Variants in MMEL1 observed in about 807,000 individuals in gnomAD.
MMEL1 encodes the protein membrane metallo-endopeptidase-like 1.
MMEL1 carries 98 observed loss-of-function variants against 117.1 expected under a neutral mutation model. The observed-to-expected ratio is 0.84, with a 90% CI of 0.71 to 0.99. The LOEUF (loss-of-function observed/expected upper bound fraction) is 0.99. Among genes scored for constraint, MMEL1 ranks in the 50% least tolerant of loss-of-function variants. The pLI, the probability that MMEL1 is intolerant of heterozygous loss-of-function variation, is 0.00. For synonymous variants in MMEL1, 390 were observed against 415.1 expected (o/e 0.94, Z 0.74); for missense variants, 1,014 against 1,049.1 (o/e 0.97, Z 0.46).
rs1324412754 is a variant in MMEL1, at chr1:2,619,798, C to T, written c.155-7594G>A. ...CAAAAACAACTACAAACCCAAAAGG[C>T]TGAGTTAAGCAACAGACATAACAGA... is the stretch of plus-strand genomic sequence containing the variant. On this transcript the variant is annotated intron_variant, in intron 2 of 23. Transcript: ENST00000378412. 6.6e-5 allele frequency among the ~76,000 whole-genome samples: 10 copies of T among 152,122 alleles called. No individual in the cohort carries two copies. In the East Asian group the frequency reaches 1.9e-3, roughly 29 times the overall value.
Position 2,592,700 on chromosome 1 carries a change from A to G in MMEL1, c.2022T>C (p.Leu674=), listed in dbSNP as rs1432238773. The part of the protein sequence containing the change: ...DEQNVNGFNT[L]GENIADNGGV... ...CTCCGTTGTCAGCAATGTTTTCCCC[A>G]AGGGTGTTGAATCCGTTCACCTGCG... Residue 674 remains leucine, a synonymous_variant, in exon 21 of 24, where the codon CTT becomes CTC. Coordinates refer to ENST00000378412, the MANE Select transcript of MMEL1 (RefSeq NM_033467.4). 1.3e-6 allele frequency: 2 copies of G among 1,537,658 alleles called. No homozygotes were observed. Among genetic ancestry groups the G allele is most frequent in the Non-Finnish European group, 8.8e-7 (1 of 1,137,546 alleles).
intron 8 of MMEL1, among the ~76,000 whole-genome samples, chr1:2,606,025 A>G (rs4074789): frequency 0.46 from 69,600 of 152,086 alleles, 17,631 homozygotes; most frequent in African/African-American, 0.68. Context: ...TCTGACCAGA[A>G]CCGGGTTCTA....
In MMEL1 at chr1:2,609,462, G is replaced by T. The variant is rs758267442; in HGVS notation, c.455-43C>A. The T allele has an allele frequency of 3.2e-6, 5 of 1,583,628 alleles. No homozygotes were observed. In the South Asian group the frequency reaches 4.5e-5, roughly 14 times the overall value. On this transcript the variant is annotated intron_variant, in intron 5 of 23. Coordinates refer to ENST00000378412, the MANE Select transcript of MMEL1 (RefSeq NM_033467.4). ...GGTTGGACAGAGGCCTGACGAGGCT[G>T]CAGGGGCCAGGTCACAGGTCCCTAC...
rs762597874 is a variant in MMEL1, at chr1:2,607,059, C to T, written c.546G>A (p.Glu182=). Residue 182 remains glutamate (E), a synonymous_variant, in exon 7 of 24, where the codon GAG becomes GAA. Transcript: ENST00000378412. The stretch of plus-strand genomic sequence containing the variant: ...CCAGCAGGGGCTGAGAGCCTCGCTT[C>T]TCTATCACACCTGAGAAGGGACGCA... ...YRSCMNQSVI[E]KRGSQPLLDI... The T allele has an allele frequency of 3.7e-6, 6 of 1,612,918 alleles. No individual in the cohort carries two copies. The highest frequency in any genetic ancestry group is 5.1e-6 in the Non-Finnish European group (6 of 1,179,906).
intron 2 of MMEL1, among the ~76,000 whole-genome samples, chr1:2,626,867 C>T (rs1000126119): frequency 1.3e-5 from 2 of 152,164 alleles, no homozygotes; most frequent in South Asian, 2.1e-4. Context: ...GAGAAAAAAA[C>T]GAATGAGACA....
chr1:2,617,353 G>A (rs1005800895), intron 2 of MMEL1, among the ~76,000 whole-genome samples: 1 of 151,156 alleles, frequency 6.6e-6, no homozygotes, highest in African/African-American at 2.4e-5. Context: ...CGTGAACCCG[G>A]GAGGCAGAGC....
chr1:2,604,396 AC>A, intron 9 of MMEL1, 115 bp from the exon 10 acceptor site: 1 of 1,381,494 alleles, frequency 7.2e-7, no homozygotes, highest in Non-Finnish European at 9.9e-7. Flanking sequence ...ATGCGTGTCC[AC>A]CCACCTTGAC....
intron 13 of MMEL1, among the ~76,000 whole-genome samples, chr1:2,597,578 A>G (rs1644862943): frequency 1.3e-5 from 2 of 151,968 alleles, no homozygotes; most frequent in Non-Finnish European, 2.9e-5. Context: ...ATCGGCCTCC[A>G]TGCTGACCCC....
At chr1:2,617,154 G>A (rs1401423070) in intron 2 of MMEL1, among the ~76,000 whole-genome samples, 7 of 151,826 alleles carry the variant, frequency 4.6e-5, no homozygotes, top group South Asian at 2.1e-4. Flanking sequence ...GTGGCCAGGC[G>A]CGGTGGCTCA....
In MMEL1 at chr1:2,592,403, CCCCTCCCCTGATGCACTGGCG is replaced by C. The variant is rs1458177445; in HGVS notation, c.2067+231_2067+251del. The stretch of plus-strand genomic sequence containing the variant: ...ACCCCCTCCCCTGCCGCGCTGATGC[CCCCTCCCCTGATGCACTGGCG>C]CCCCCTCCCCTGCCATGCTGACGCC... On this transcript the variant is annotated intron_variant, in intron 21 of 23. Transcript: ENST00000378412. 3.1e-4 allele frequency among the ~76,000 whole-genome samples: 17 copies of C among 54,932 alleles called. 2 individuals are homozygous for C. The highest frequency in any genetic ancestry group is 4.5e-4 in the Non-Finnish European group (14 of 31,058). 36.0% of individuals were successfully genotyped at this position (54,932 alleles called of 152,430 possible). A position where few individuals can be genotyped will look rare whatever the true frequency, so the allele number is the denominator to read the frequency against.
chr1:2,630,587 G>C lies in MMEL1; in HGVS notation c.-37-1066C>G, dbSNP rs78936836. Among the ~76,000 whole-genome samples the C allele has an allele frequency of 1.4e-3, 97 of 67,090 alleles. 1 individual carries two copies. The East Asian group carries it at 0.046, about 32-fold the overall frequency. 44.0% of individuals were successfully genotyped at this position (67,090 alleles called of 152,430 possible). A position where few individuals can be genotyped will look rare whatever the true frequency, so the allele number is the denominator to read the frequency against. On this transcript the variant is annotated intron_variant, in intron 1 of 23. Coordinates refer to ENST00000378412, the MANE Select transcript of MMEL1 (RefSeq NM_033467.4). The stretch of plus-strand genomic sequence containing the variant: ...TGTGTGACTGTGAGTGAGTGTGCAC[G>C]TGTGTGTCCTCGTGTGTGCATGTGT...
chr1:2,609,183 A>T (rs1387316421), intron 6 of MMEL1, among the ~76,000 whole-genome samples, 156 bp downstream of exon 6: 1 of 152,032 alleles, frequency 6.6e-6, no homozygotes, highest in Admixed American at 6.5e-5. Context: ...TGTGGCTGGG[A>T]GCGGGACACA....
chr1:2,593,270 G>T (rs1644773094), intron 19 of MMEL1, among the ~76,000 whole-genome samples: 1 of 152,204 alleles, frequency 6.6e-6, no homozygotes, highest in African/African-American at 2.4e-5. Flanking sequence ...CTCCTCCTGG[G>T]ATGCCCAAAC....
At position 2,593,855 on chromosome 1, in the gene MMEL1, A is replaced by G; in HGVS notation, c.1826T>C (p.Met609Thr). The change falls in exon 19 of 24, where the codon ATG becomes ACG. Residue 609 changes from methionine (M) to threonine (T), a missense_variant. Coordinates refer to ENST00000378412, the MANE Select transcript of MMEL1 (RefSeq NM_033467.4). ...GTGCGTGATCTCGTGCCCGATCACC[A>G]TCCCAATGCCTCCAAAGTTCAAGGC... ...PQALNFGGIG[M>T]VIGHEITHGF... 6.2e-7 allele frequency: 1 copy of G among 1,612,314 alleles called. No homozygotes were observed.
At position 2,595,991 on chromosome 1, in the gene MMEL1, C is replaced by T. The variant is rs371674898; in HGVS notation, c.1500+18G>A. The T allele has an allele frequency of 1.9e-6, 3 of 1,610,180 alleles. No individual in the cohort carries two copies. The highest frequency in any genetic ancestry group is 2.7e-5 in the African/African-American group (2 of 74,812). ...CCAGATCCAGTCGGGGCTGCCCTGA[C>T]CTCTGCGAGCCACATACCTTCTCCT... On this transcript the variant is annotated intron_variant, in intron 15 of 23. Coordinates refer to ENST00000378412, the MANE Select transcript of MMEL1 (RefSeq NM_033467.4). This position sits in a 1 kb window ranked among gnomAD's most constrained non-coding sequence, Gnocchi z 4.8.
At position 2,603,971 on chromosome 1, in the gene MMEL1, G is replaced by A. The variant is rs776051268; in HGVS notation, c.954C>T (p.Ala318=). The change falls in exon 11 of 24, where the codon GCC becomes GCT. Residue 318 remains alanine (A), a splice_region_variant and synonymous_variant. Transcript: ENST00000378412. ...CGTGTCTCTCCTCCTGGGGTACCGT[G>A]GCCTGTGCCGGGGATAGCAGTCACA... The part of the protein sequence containing the change: ...VLELETQLAK[A]TVPQEERHDV... 6.8e-6 allele frequency: 11 copies of A among 1,613,574 alleles called. No individual in the cohort carries two copies. The highest frequency in any genetic ancestry group is 1.3e-5 in the African/African-American group (1 of 74,912).
intron 2 of MMEL1, among the ~76,000 whole-genome samples, chr1:2,627,613 A>G (rs537300976): frequency 1.3e-5 from 2 of 152,372 alleles, no homozygotes; most frequent in South Asian, 4.1e-4. Flanking sequence ...TTCTGACAAC[A>G]CAGTTAAGTT....
chr1:2,622,966 A>C (rs1407528697), intron 2 of MMEL1, among the ~76,000 whole-genome samples: 1 of 149,822 alleles, frequency 6.7e-6, no homozygotes. Flanking sequence ...TCAAGAGATC[A>C]ACACCATCCT....
In MMEL1 at chr1:2,590,914, G is replaced by T. The variant is rs1253641427; in HGVS notation, c.*76C>A. On this transcript the variant is annotated 3_prime_UTR_variant, in exon 24 of 24. Coordinates refer to ENST00000378412, the MANE Select transcript of MMEL1 (RefSeq NM_033467.4). ...GCCGGGGCGGGACGTACACTGGGTC[G>T]CCGCTAGCTGCACCTTCGCACAGAT... 8.6e-7 allele frequency: 1 copy of T among 1,164,038 alleles called. No homozygotes were observed. Among genetic ancestry groups the T allele is most frequent in the Non-Finnish European group, 1.1e-6 (1 of 886,978 alleles). 72.1% of individuals were successfully genotyped at this position (1,164,038 alleles called of 1,614,324 possible).
Sources: allele counts gnomAD v4.1 joint callset (sites outside exome capture counted in the v4.1 genomes callset), GRCh38; gene constraint gnomAD v4.1.1; non-coding constraint Gnocchi (gnomAD v3.1); transcripts MANE v1.5; gene names NCBI Gene and HGNC (gene_info 2026-07-23, HGNC 2026-07-21).